OPA3: variants seen among roughly 807,000 people sequenced by gnomAD.
OPA3 encodes outer mitochondrial membrane lipid metabolism regulator OPA3.
In OPA3, 6 loss-of-function variants were observed where a neutral mutation model predicts 4.0. The ratio of observed to expected loss-of-function variants is 1.51; its 90% confidence interval spans 0.83 to 2.99. The LOEUF (loss-of-function observed/expected upper bound fraction) is 2.99. Ranked by LOEUF, OPA3 falls within the 30% of genes most tolerant of loss-of-function variation. The probability of loss-of-function intolerance (pLI) is 0.00; values close to 1 mark genes in which losing one functional copy is unlikely to be tolerated. For synonymous variants in OPA3, 105 were observed against 117.1 expected (o/e 0.90, Z 0.67); for missense variants, 235 against 256.2 (o/e 0.92, Z 0.56).
intron 1 of OPA3, among the ~76,000 whole-genome samples, chr19:45,580,001 C>T (rs1027300695): frequency 8.4e-4 from 96 of 114,788 alleles, no homozygotes; most frequent in Middle Eastern, 4.1e-3. Flanking sequence ...TTTTTTTTTT[C>T]TTTTTTTTTT....
exon 2 of OPA3, chr19:45,529,310 G>A (rs2122368084): frequency 1.2e-6 from 2 of 1,614,154 alleles, no homozygotes; most frequent in East Asian, 4.5e-5. Flanking sequence ...TCCAGCATCA[G>A]GCAGCTGCAG....
intron 1 of OPA3, among the ~76,000 whole-genome samples, chr19:45,567,848 AT>A (rs1284239028): frequency 6.6e-6 from 1 of 152,202 alleles, no homozygotes; most frequent in Non-Finnish European, 1.5e-5. Context: ...GGTTAAGATC[AT>A]TTGCTGAGAT....
rs1555730890 is a variant in OPA3, at chr19:45,537,410, A to AAAAAAAAAAAAAACAAG, written c.143-7955_143-7954insCTTGTTTTTTTTTTTTT. 5.2e-3 allele frequency among the ~76,000 whole-genome samples: 621 copies of AAAAAAAAAAAAAACAAG among 119,974 alleles called. 4 individuals are homozygous for AAAAAAAAAAAAAACAAG. Among genetic ancestry groups the AAAAAAAAAAAAAACAAG allele is most frequent in the African/African-American group, 9.6e-3 (292 of 30,284 alleles). 78.7% of individuals were successfully genotyped at this position (119,974 alleles called of 152,430 possible). On this transcript the variant is annotated intron_variant, in intron 1 of 1. Coordinates refer to the OPA3 transcript ENST00000323060. ...AGACTCTGTCTCAAAAAAAAAAAAA[A>AAAAAAAAAAAAAACAAG]AAAAAAAAAAAACAAGAAAAGAACT...
At chr19:45,573,987 AC>A (rs1211831880) in intron 1 of OPA3, among the ~76,000 whole-genome samples, 4 of 151,378 alleles carry the variant, frequency 2.6e-5, no homozygotes, top group Non-Finnish European at 5.9e-5. Context: ...ACATGGTGAA[AC>A]CCCGTCTCTA....
intron 1 of OPA3, among the ~76,000 whole-genome samples, chr19:45,531,548 T>A (rs1969061711): frequency 6.6e-6 from 1 of 152,238 alleles, no homozygotes; most frequent in Admixed American, 6.5e-5. Context: ...GGAACTTGCA[T>A]CCTCTTTGTT....
At chr19:45,584,565 C>A in intron 1 of OPA3, 58 bp downstream of exon 1, 1 of 1,613,408 alleles carries the variant, frequency 6.2e-7, no homozygotes, top group East Asian at 2.2e-5. Context: ...CCCTAAGCAA[C>A]CACCTGACAG....
intron 1 of OPA3, among the ~76,000 whole-genome samples, chr19:45,572,460 TC>T: frequency 7.5e-6 from 1 of 133,430 alleles, no homozygotes; most frequent in African/African-American, 2.7e-5. Context: ...ATGATATATA[TC>T]ATATATCATA....
intron 1 of OPA3, among the ~76,000 whole-genome samples, chr19:45,576,006 G>C (rs532180809): frequency 6.6e-6 from 1 of 152,318 alleles, no homozygotes; most frequent in Non-Finnish European, 1.5e-5. Context: ...GGCCAAGGCG[G>C]GTGGATCACC....
rs946529403 is a variant in OPA3 at position 45,532,902 on chromosome 19, T to A, written c.143-3446A>T. The stretch of plus-strand genomic sequence containing the variant: ...CTAGGATGATTTTTATTTTTTAAAT[T>A]TTTTTTGAGATGGAGTTTTGCTCTT... On this transcript the variant is annotated intron_variant, in intron 1 of 1. Coordinates refer to the OPA3 transcript ENST00000323060. Among the ~76,000 whole-genome samples, 8 of 152,064 alleles carry A rather than the reference T, an allele frequency of 5.3e-5. No individual in the cohort carries two copies. In the Middle Eastern group the frequency reaches 0.01, roughly 194 times the overall value.
intron 1 of OPA3, among the ~76,000 whole-genome samples, chr19:45,533,247 G>C (rs558733769): frequency 6.7e-6 from 1 of 149,734 alleles, no homozygotes; most frequent in South Asian, 2.1e-4. Context: ...CCAGGCTGGA[G>C]TGCAGTGGCG....
chr19:45,546,225 A>G (rs540997487), downstream of OPA3: 3 of 181,164 alleles, frequency 1.7e-5, no homozygotes, highest in South Asian at 3.8e-4. Context: ...ATCTGTAGTT[A>G]TTCTTCATGA....
chr19:45,533,221 A>T lies in OPA3; in HGVS notation c.143-3765T>A, dbSNP rs879451070. 5.6e-5 allele frequency among the ~76,000 whole-genome samples: 8 copies of T among 142,866 alleles called. No homozygotes were observed. The Admixed American group carries it at 5.7e-4, about 10-fold the overall frequency. The allele number at this position is 142,866 out of a possible 152,430, so 93.7% of individuals were successfully genotyped here. On this transcript the variant is annotated intron_variant, in intron 1 of 1. Coordinates refer to the OPA3 transcript ENST00000323060. Reference sequence around the variant, plus strand: ...GATTTTTCTTTTTTTTTTAAGGCGGAGTCTCACTCTGACGCCCAGGCTGGA... The same window carrying T: ...GATTTTTCTTTTTTTTTTAAGGCGGTGTCTCACTCTGACGCCCAGGCTGGA...
chr19:45,556,340 T>TTGCCATA (rs1211566829), intron 1 of OPA3, among the ~76,000 whole-genome samples: 1 of 151,574 alleles, frequency 6.6e-6, no homozygotes, highest in Non-Finnish European at 1.5e-5. Context: ...AGATGGGGTC[T>TTGCCATA]TGCCATATTC....
chr19:45,574,787 TC>T (rs1197169127), intron 1 of OPA3, among the ~76,000 whole-genome samples: 1 of 152,174 alleles, frequency 6.6e-6, no homozygotes, highest in Non-Finnish European at 1.5e-5. Context: ...GCTGGAAGAT[TC>T]CAGGCCTTGC....
intron 1 of OPA3, among the ~76,000 whole-genome samples, chr19:45,570,987 G>T (rs528271388): frequency 1.5e-5 from 2 of 129,474 alleles, no homozygotes; most frequent in Non-Finnish European, 3.3e-5. Flanking sequence ...TTGGGGGGGG[G>T]GGGCATGAAT....
chr19:45,544,620 C>T (rs1414358839), downstream of OPA3, among the ~76,000 whole-genome samples: 1 of 152,064 alleles, frequency 6.6e-6, no homozygotes, highest in African/African-American at 2.4e-5. Context: ...CATGGAGAAA[C>T]CTTGTCTCCA....
intron 1 of OPA3, among the ~76,000 whole-genome samples, chr19:45,574,408 A>AG (rs1969736775): frequency 2.0e-5 from 3 of 151,666 alleles, no homozygotes; most frequent in Non-Finnish European, 4.4e-5. Flanking sequence ...AAAAAAAAAA[A>AG]AAAAAAGAAA....
intron 1 of OPA3, among the ~76,000 whole-genome samples, chr19:45,566,435 G>A (rs908151333): frequency 1.3e-5 from 2 of 148,520 alleles, no homozygotes; most frequent in African/African-American, 5.0e-5. Flanking sequence ...ACAGGAGTGA[G>A]CCACCACTCC....
intron 1 of OPA3, among the ~76,000 whole-genome samples, chr19:45,562,659 C>T (rs1342347840): frequency 6.6e-6 from 1 of 152,176 alleles, no homozygotes; most frequent in African/African-American, 2.4e-5. Context: ...ACTGCCCAGC[C>T]TGGGAGACAC....
Sources: gnomAD v4.1 joint callset for allele counts (sites outside exome capture counted in the v4.1 genomes callset) on GRCh38, gnomAD v4.1.1 for gene constraint, MANE v1.5 for transcripts, NCBI Gene and HGNC (gene_info 2026-07-23, HGNC 2026-07-21) for gene names.